WDR74: variants seen among roughly 807,000 people sequenced by gnomAD.
The protein encoded by WDR74 is WD repeat-containing protein 74.
Under a neutral mutation model 45.6 loss-of-function variants are expected in WDR74, and 31 were observed. The ratio of observed to expected loss-of-function variants is 0.68; its 90% CI spans 0.51 to 0.92. The LOEUF is 0.92. WDR74 is among the 40% of genes least tolerant of loss of function. The probability of loss-of-function intolerance (pLI) is 0.00; values close to 1 mark genes in which losing one functional copy is unlikely to be tolerated. For missense variants in WDR74, 455 were observed against 497.2 expected, an observed-to-expected ratio of 0.92 and a Z score of 0.81; for synonymous variants, 191 against 192.4, an observed-to-expected ratio of 0.99 and a Z score of 0.06.
chr11:62,839,129 A>G lies in WDR74; in HGVS notation c.278T>C (p.Leu93Pro), dbSNP rs767841763. The change falls in exon 3 of 11, where the codon CTC becomes CCC. Residue 93 changes from leucine (L) to proline (P), a missense_variant. By Grantham distance (98) the Leu-to-Pro change is moderately conservative. Transcript: ENST00000278856. ...TTGGTCTTACCCGTCGGCCTGGGCGAGGCCACGGAACATGCCCTCCCCGCC... is the reference window on the plus strand; with the variant it reads ...TTGGTCTTACCCGTCGGCCTGGGCGGGGCCACGGAACATGCCCTCCCCGCC... ...CPGGEGMFRG[L>P]AQADGTLITC... 1 of 1,613,488 alleles carries G rather than the reference A, an allele frequency of 6.2e-7. No individual in the cohort carries two copies. The highest frequency in any genetic ancestry group is 1.1e-5 in the South Asian group (1 of 91,072).
At chr11:62,841,647 C>CA (rs2085061625), upstream of WDR74, 1 of 152,246 alleles carries the variant, frequency 6.6e-6, no homozygotes, top group Non-Finnish European at 1.5e-5. Flanking sequence ...GGAAGTACTG[C>CA]AATACCAGGT....
chr11:62,834,388 A>C, intron 7 of WDR74, 39 bp downstream of exon 7: 7 of 1,607,200 alleles, frequency 4.4e-6, no homozygotes, highest in Non-Finnish European at 5.1e-6. Context: ...AGCCCTTCTC[A>C]AGCCCCACCC....
chr11:62,834,246 C>A, intron 8 of WDR74, 30 bp downstream of exon 8: 1 of 1,613,852 alleles, frequency 6.2e-7, no homozygotes, highest in South Asian at 1.1e-5. Flanking sequence ...CTGCTCCTTC[C>A]TTTCCCCCAA....
At position 62,835,964 on chromosome 11, in the gene WDR74, G is replaced by C; in HGVS notation, c.366C>G (p.Asp122Glu). The change falls in exon 4 of 11, where the codon GAC becomes GAG. Residue 122 changes from aspartate to glutamate, a missense_variant. Transcript: ENST00000278856. ...WHDKDKDTSS[D>E]PLLELRVGPG... ...CATCAGGGCAGGGGAGCCTCACTGG[G>C]TCAGAGGATGTGTCCTTGTCCTTGT... is the stretch of plus-strand genomic sequence containing the variant. The C allele has an allele frequency of 6.3e-7, 1 of 1,592,908 alleles. No homozygotes were observed. Among genetic ancestry groups the C allele is most frequent in the Non-Finnish European group, 8.5e-7 (1 of 1,169,598 alleles).
chr11:62,841,250 G>A (rs1210947959), upstream of WDR74, among the ~76,000 whole-genome samples: 2 of 152,184 alleles, frequency 1.3e-5, no homozygotes, highest in Non-Finnish European at 1.5e-5. Context: ...CCGGGAGGCG[G>A]ATGTTGCAGT....
Position 62,832,999 on chromosome 11 carries a change from G to C in WDR74, c.1111C>G (p.Gln371Glu). ...CGCTTCTTCTTTCTCCGTCTCGTTT[G>C]GAGAGCTCCTTGGGGCTGCTCCAAA... ...SGLEQPQGALQTRRRKKKRPG... is the reference protein window; with the variant it reads ...SGLEQPQGALETRRRKKKRPG... Residue 371 changes from glutamine to glutamate, a missense_variant, in exon 11 of 11, where the codon CAA becomes GAA. By Grantham distance (29) the Gln-to-Glu change is conservative. Transcript: ENST00000278856. The C allele has an allele frequency of 6.2e-7, 1 of 1,610,300 alleles. No homozygotes were observed.
intron 8 of WDR74, 25 bp from the exon 9 acceptor site, chr11:62,833,962 G>C (rs1462035672): frequency 3.1e-6 from 5 of 1,609,004 alleles, no homozygotes; most frequent in Admixed American, 1.7e-5. Context: ...AAGCATCCGT[G>C]ATAACTGGCT....
At chr11:62,833,978 A>T in intron 8 of WDR74, 41 bp from the exon 9 acceptor site, 1 of 1,603,486 alleles carries the variant, frequency 6.2e-7, no homozygotes, top group Non-Finnish European at 8.5e-7. Context: ...TGGCTGGCCA[A>T]TAACCAACCA....
rs2084928201 is a variant in WDR74, at chr11:62,834,424, C to G, written c.719+3G>C. The stretch of plus-strand genomic sequence containing the variant: ...TCCCACCCCTTCCCCTCTAAACACT[C>G]ACTTGCCTCCCGGAGTGAGGGTCAT... On this transcript the variant is annotated splice_donor_region_variant and intron_variant, in intron 7 of 10. Coordinates refer to ENST00000278856, the MANE Select transcript of WDR74 (RefSeq NM_001369450.1). The G allele has an allele frequency of 1.1e-6, 1 of 901,722 alleles. No individual in the cohort carries two copies. Among genetic ancestry groups the G allele is most frequent in the African/African-American group, 1.8e-5 (1 of 56,616 alleles). The allele number at this position is 901,722 out of a possible 1,614,324, so 55.9% of individuals were successfully genotyped here.
At chr11:62,835,162 C>A (rs1006107955) in intron 6 of WDR74, 4 of 449,348 alleles carry the variant, frequency 8.9e-6, no homozygotes, top group Admixed American at 3.6e-5. Context: ...TCCTCTGACA[C>A]CTGCACCCTA....
At chr11:62,841,429 T>C (rs541457676), upstream of WDR74, 3 of 151,518 alleles carry the variant, frequency 2.0e-5, no homozygotes, top group South Asian at 2.1e-4. Context: ...GAAGACCACA[T>C]GGAGATACTA....
chr11:62,833,745 C>T (rs1317661390), intron 9 of WDR74, 47 bp downstream of exon 9: 9 of 1,603,822 alleles, frequency 5.6e-6, no homozygotes, highest in Middle Eastern at 1.7e-4. Flanking sequence ...GCACAGGAGG[C>T]GGGGCCTCCA....
At chr11:62,836,238 AGG>A in intron 3 of WDR74, 3 of 558,880 alleles carry the variant, frequency 5.4e-6, no homozygotes, top group South Asian at 2.2e-5. Flanking sequence ...ACTGGGCTCT[AGG>A]CAGGGCTTGA....
Position 62,834,493 on chromosome 11 carries a change from C to T in WDR74, c.653G>A (p.Arg218Gln), listed in dbSNP as rs371901588. The part of the protein sequence containing the change: ...RVYDPASPQR[R>Q]PVLETTYGEY... Reference sequence around the variant, plus strand: ...TCCATAGGTGGTCTCTAGGACTGGCCGGCGCTGGGGGGATGCTGGATCATA... The same window carrying T: ...TCCATAGGTGGTCTCTAGGACTGGCTGGCGCTGGGGGGATGCTGGATCATA... The change falls in exon 7 of 11, where the codon CGG (arginine) becomes CAG (glutamine). Residue 218 changes from arginine to glutamine, a missense_variant. Transcript: ENST00000278856. 89 of 1,610,180 alleles carry T rather than the reference C, an allele frequency of 5.5e-5. No homozygotes were observed. The highest frequency in any genetic ancestry group is 7.2e-5 in the Non-Finnish European group (85 of 1,179,014).
chr11:62,835,966 C>T lies in WDR74; in HGVS notation c.364G>A (p.Asp122Asn). The T allele has an allele frequency of 6.3e-7, 1 of 1,593,664 alleles. No individual in the cohort carries two copies. Among genetic ancestry groups the T allele is most frequent in the Non-Finnish European group, 8.5e-7 (1 of 1,170,048 alleles). ...WHDKDKDTSSDPLLELRVGPG... is the reference protein window; with the variant it reads ...WHDKDKDTSSNPLLELRVGPG... The stretch of plus-strand genomic sequence containing the variant: ...TCAGGGCAGGGGAGCCTCACTGGGT[C>T]AGAGGATGTGTCCTTGTCCTTGTCA... The change falls in exon 4 of 11, where the codon GAC becomes AAC. Residue 122 changes from aspartate to asparagine, a missense_variant. Transcript: ENST00000278856.
chr11:62,839,115 C>G lies in WDR74; in HGVS notation c.292G>C (p.Gly98Arg). The G allele has an allele frequency of 5.0e-6, 8 of 1,613,228 alleles. No homozygotes were observed. Among genetic ancestry groups the G allele is most frequent in the Non-Finnish European group, 5.9e-6 (7 of 1,179,880 alleles). Residue 98 changes from glycine to arginine, a missense_variant and splice_region_variant, in exon 3 of 11, where the codon GGC becomes CGC. Transcript: ENST00000278856. ...GMFRGLAQAD[G>R]TLITCVDSGI... ...GTTTAGCGAGGGGATTGGTCTTACC[C>G]GTCGGCCTGGGCGAGGCCACGGAAC...
chr11:62,836,906 C>G (rs915138932), intron 3 of WDR74, among the ~76,000 whole-genome samples: 1 of 151,908 alleles, frequency 6.6e-6, no homozygotes, highest in Non-Finnish European at 1.5e-5. Flanking sequence ...GAAATCTTGT[C>G]TCTACTAAAA....
At chr11:62,837,926 A>G (rs528846390) in intron 3 of WDR74, among the ~76,000 whole-genome samples, 6 of 152,164 alleles carry the variant, frequency 3.9e-5, no homozygotes, top group Non-Finnish European at 8.8e-5. Flanking sequence ...ACACAGTGAG[A>G]CCCCATCTCT....
chr11:62,838,821 A>G (rs1186859585), intron 3 of WDR74, among the ~76,000 whole-genome samples: 3 of 151,978 alleles, frequency 2.0e-5, no homozygotes, highest in Non-Finnish European at 4.4e-5. Context: ...TGACTTGCCC[A>G]TGGTTACTTA....
Sources: gnomAD v4.1 joint callset for allele counts (sites outside exome capture counted in the v4.1 genomes callset) on GRCh38, gnomAD v4.1.1 for gene constraint, MANE v1.5 for transcripts, NCBI Gene and HGNC (gene_info 2026-07-23, HGNC 2026-07-21) for gene names.